Variants in SAMMSON observed in about 807,000 individuals in gnomAD.
SAMMSON encodes the protein survival associated mitochondrial melanoma specific oncogenic non-coding RNA.
chr3:70,038,741 C>T (rs73104068), intron 3 of SAMMSON, among the ~76,000 whole-genome samples: 8,378 of 152,008 alleles, frequency 0.055, 316 homozygotes, highest in South Asian at 0.13. Flanking sequence ...CTCTGGGAGC[C>T]CCACAGTCAG....
chr3:70,167,799 A>C (rs941998799), intron 4 of SAMMSON, among the ~76,000 whole-genome samples: 11 of 151,970 alleles, frequency 7.2e-5, no homozygotes, highest in African/African-American at 2.7e-4. Flanking sequence ...CACGCTGGAG[A>C]TGACTACAGC....
intron 6 of SAMMSON, among the ~76,000 whole-genome samples, chr3:70,266,695 C>T (rs1363159282): frequency 6.6e-6 from 1 of 152,180 alleles, no homozygotes; most frequent in Non-Finnish European, 1.5e-5. Flanking sequence ...ATTCTTCTGC[C>T]TCCGCCTCCC....
chr3:70,338,975 G>T (rs1182539303), intron 7 of SAMMSON, among the ~76,000 whole-genome samples: 1 of 152,118 alleles, frequency 6.6e-6, no homozygotes, highest in Non-Finnish European at 1.5e-5. Flanking sequence ...CAGAGCTGGA[G>T]GCATCACACT....
At chr3:70,040,739 AC>A (rs1266916110) in intron 3 of SAMMSON, among the ~76,000 whole-genome samples, 4 of 152,066 alleles carry the variant, frequency 2.6e-5, no homozygotes, top group Admixed American at 1.3e-4. Flanking sequence ...TGCTCTTCCC[AC>A]CGCCTGCCAA....
At chr3:70,102,268 C>T (rs975593314) in intron 4 of SAMMSON, among the ~76,000 whole-genome samples, 1 of 152,072 alleles carries the variant, frequency 6.6e-6, no homozygotes, top group African/African-American at 2.4e-5. Context: ...AAACAAATTC[C>T]CATAAGCTGC....
intron 3 of SAMMSON, among the ~76,000 whole-genome samples, chr3:70,057,815 C>CT (rs2067173528): frequency 6.6e-6 from 1 of 151,962 alleles, no homozygotes; most frequent in South Asian, 2.1e-4. Context: ...TTCAATTAAT[C>CT]AAGTTTTACA....
intron 4 of SAMMSON, chr3:70,206,489 T>G (rs564431571): frequency 2.5e-6 from 1 of 396,212 alleles, no homozygotes; most frequent in Non-Finnish European, 4.4e-6. Context: ...TTTTTTTTCC[T>G]AACAGCATAT....
chr3:70,253,981 C>G (rs919330734), intron 6 of SAMMSON, among the ~76,000 whole-genome samples: 1 of 151,978 alleles, frequency 6.6e-6, no homozygotes, highest in Non-Finnish European at 1.5e-5. Context: ...ATAGCTAGCT[C>G]AGAAGATTCA....
intron 4 of SAMMSON, among the ~76,000 whole-genome samples, chr3:70,245,671 TTATATATATA>T (rs34480688): frequency 0.028 from 1,599 of 57,242 alleles, 50 homozygotes; most frequent in African/African-American, 0.081. Flanking sequence ...GCAAACTGCT[TTATATATATA>T]TATATATATA....
chr3:70,377,223 CA>C (rs1703024916), intron 9 of SAMMSON, among the ~76,000 whole-genome samples: 2 of 152,020 alleles, frequency 1.3e-5, no homozygotes, highest in African/African-American at 4.8e-5. Flanking sequence ...ACAGAGAAAT[CA>C]TGGGAGATAG....
At chr3:70,286,649 C>T (rs1702167043) in intron 6 of SAMMSON, among the ~76,000 whole-genome samples, 1 of 151,932 alleles carries the variant, frequency 6.6e-6, no homozygotes, top group Non-Finnish European at 1.5e-5. Flanking sequence ...TTACCTTGGG[C>T]AGTGTGGCCA....
intron 3 of SAMMSON, among the ~76,000 whole-genome samples, chr3:70,062,538 C>T (rs775551285): frequency 4.6e-5 from 7 of 152,104 alleles, no homozygotes; most frequent in Non-Finnish European, 8.8e-5. Context: ...ATGCTCAGTA[C>T]ATATTTGTCA....
At chr3:70,420,067 G>A (rs1233973806) in intron 2 of SAMMSON, among the ~76,000 whole-genome samples, 1 of 152,244 alleles carries the variant, frequency 6.6e-6, no homozygotes, top group Non-Finnish European at 1.5e-5. Flanking sequence ...CATGGACTGT[G>A]TGAAGAGCCT....
intron 3 of SAMMSON, among the ~76,000 whole-genome samples, chr3:70,059,472 A>G (rs1030068258): frequency 1.3e-5 from 2 of 152,128 alleles, no homozygotes; most frequent in African/African-American, 4.8e-5. Flanking sequence ...CCCCAAAGAC[A>G]GAGAACCAGG....
intron 7 of SAMMSON, among the ~76,000 whole-genome samples, chr3:70,316,996 T>G (rs1702499340): frequency 6.6e-6 from 1 of 152,046 alleles, no homozygotes; most frequent in Non-Finnish European, 1.5e-5. Flanking sequence ...GTAGGTGGTG[T>G]GTTACGGATA....
At chr3:70,175,209 A>G (rs6549289) in intron 4 of SAMMSON, among the ~76,000 whole-genome samples, 84,343 of 151,874 alleles carry the variant, frequency 0.56, 24,522 homozygotes, top group Non-Finnish European at 0.62. Context: ...TTTAATCATG[A>G]CCATAAGTTG....
chr3:70,058,030 G>C (rs989746866), intron 3 of SAMMSON, among the ~76,000 whole-genome samples: 1 of 152,030 alleles, frequency 6.6e-6, no homozygotes, highest in African/African-American at 2.4e-5. Context: ...AAAAGGTTTT[G>C]GGATCTGAAT....
At chr3:70,286,982 A>G (rs1702172236) in intron 6 of SAMMSON, among the ~76,000 whole-genome samples, 1 of 150,000 alleles carries the variant, frequency 6.7e-6, no homozygotes, top group Non-Finnish European at 1.5e-5. Flanking sequence ...TTTTCTAGAT[A>G]TAAAATCATG....
intron 4 of SAMMSON, among the ~76,000 whole-genome samples, chr3:70,180,134 A>G (rs1431675352): frequency 2.0e-5 from 3 of 152,048 alleles, no homozygotes; most frequent in Non-Finnish European, 4.4e-5. Context: ...TAAAGAAAAA[A>G]TGATTTTGAG....
Sources: allele counts gnomAD v4.1 joint callset (sites outside exome capture counted in the v4.1 genomes callset), GRCh38; gene constraint gnomAD v4.1.1; transcripts MANE v1.5; gene names NCBI Gene and HGNC (gene_info 2026-07-23, HGNC 2026-07-21).